Variants in DACH1 observed in about 807,000 individuals in gnomAD.
The protein encoded by DACH1 is dachshund homolog 1.
In DACH1, 12 loss-of-function variants were observed where a neutral mutation model predicts 54.2. The observed-to-expected ratio is 0.22, with a 90% confidence interval of 0.14 to 0.36. DACH1 has a LOEUF of 0.36. Among genes scored for constraint, DACH1 ranks in the 10% least tolerant of loss-of-function variants. The pLI, the probability that DACH1 is intolerant of heterozygous loss-of-function variation, is 1.00. For missense variants in DACH1, 805 were observed against 929.8 expected (o/e 0.87, Z 1.75); for synonymous variants, 386 against 366.2 (o/e 1.05, Z -0.62).
At chr13:71,740,136 T>C (rs1408013225) in intron 1 of DACH1, among the ~76,000 whole-genome samples, 1 of 152,212 alleles carries the variant, frequency 6.6e-6, no homozygotes, top group Non-Finnish European at 1.5e-5. Context: ...GCAAAAGTAG[T>C]TCAACAACTG....
intron 6 of DACH1, among the ~76,000 whole-genome samples, chr13:71,550,399 T>C (rs1286310238): frequency 6.6e-6 from 1 of 152,058 alleles, no homozygotes; most frequent in Non-Finnish European, 1.5e-5. Flanking sequence ...CACTAGTGGA[T>C]AGGAAGGCAT....
intron 1 of DACH1, among the ~76,000 whole-genome samples, chr13:71,692,582 G>T (rs1188208524): frequency 8.6e-6 from 1 of 116,470 alleles, no homozygotes; most frequent in Middle Eastern, 9.3e-3. Context: ...GAGTGCAGTG[G>T]TGCAATCTTG....
intron 6 of DACH1, among the ~76,000 whole-genome samples, chr13:71,509,851 CCA>C (rs1880628446): frequency 6.6e-6 from 1 of 152,008 alleles, no homozygotes; most frequent in South Asian, 2.1e-4. Flanking sequence ...AATTATTGTT[CCA>C]GTTTTTCAGT....
intron 1 of DACH1, among the ~76,000 whole-genome samples, chr13:71,750,950 C>T (rs1180218378): frequency 6.6e-6 from 1 of 152,108 alleles, no homozygotes; most frequent in Non-Finnish European, 1.5e-5. Context: ...CTATGTGAAA[C>T]ATTAAACAAA....
At chr13:71,680,956 T>C (rs1880860287) in intron 2 of DACH1, among the ~76,000 whole-genome samples, 1 of 152,042 alleles carries the variant, frequency 6.6e-6, no homozygotes, top group Admixed American at 6.5e-5. Flanking sequence ...ACCTTTCTTG[T>C]ATCAGCTGTA....
At chr13:71,614,209 T>A (rs1380507035) in intron 3 of DACH1, among the ~76,000 whole-genome samples, 1 of 152,172 alleles carries the variant, frequency 6.6e-6, no homozygotes, top group Non-Finnish European at 1.5e-5. Flanking sequence ...AACTATAGAA[T>A]TTAACCATTG....
chr13:71,589,829 C>T (rs1873567703), intron 3 of DACH1, among the ~76,000 whole-genome samples: 1 of 151,858 alleles, frequency 6.6e-6, no homozygotes, highest in Admixed American at 6.6e-5. Context: ...TTTATATTAT[C>T]ATCATTATCA....
chr13:71,545,321 T>G (rs1883390867), intron 6 of DACH1, among the ~76,000 whole-genome samples: 1 of 151,994 alleles, frequency 6.6e-6, no homozygotes, highest in Non-Finnish European at 1.5e-5. Context: ...GAATTCAAGA[T>G]TTTTCCATAA....
intron 2 of DACH1, among the ~76,000 whole-genome samples, chr13:71,680,772 A>C (rs1226112807): frequency 6.6e-6 from 1 of 152,238 alleles, no homozygotes; most frequent in Non-Finnish European, 1.5e-5. Flanking sequence ...GCAAAAATGA[A>C]GATGAGTTAG....
In DACH1 at chr13:71,706,703, T is replaced by A. The variant is rs143922541; in HGVS notation, c.849-24793A>T. Among the ~76,000 whole-genome samples the A allele has an allele frequency of 2.8e-3, 419 of 152,222 alleles. 3 individuals carry two copies. The highest frequency in any genetic ancestry group is 9.6e-3 in the African/African-American group (400 of 41,552). ...ACTACACAATTTTATTCTATATCTATTTTTTTCAGACCAAAATATGCATTC... is the reference window on the plus strand; with the variant it reads ...ACTACACAATTTTATTCTATATCTAATTTTTTCAGACCAAAATATGCATTC... On this transcript the variant is annotated intron_variant, in intron 1 of 10. Coordinates refer to ENST00000613252, the MANE Select transcript of DACH1 (RefSeq NM_080759.6).
At chr13:71,629,831 A>G (rs1876952153) in intron 3 of DACH1, among the ~76,000 whole-genome samples, 1 of 152,148 alleles carries the variant, frequency 6.6e-6, no homozygotes, top group Admixed American at 6.6e-5. Context: ...TAGCAGAAAA[A>G]AAATGTTTTG....
At chr13:71,794,058 T>G (rs1886941909) in intron 1 of DACH1, among the ~76,000 whole-genome samples, 1 of 142,184 alleles carries the variant, frequency 7.0e-6, no homozygotes, top group Non-Finnish European at 1.5e-5. Context: ...TATTATCCAT[T>G]TTTTCCTTAA....
chr13:71,471,448 T>A (rs1877064075), intron 10 of DACH1, among the ~76,000 whole-genome samples: 1 of 151,832 alleles, frequency 6.6e-6, no homozygotes, highest in African/African-American at 2.4e-5. Context: ...GTCTATAAAT[T>A]TTCTAAATAT....
At chr13:71,727,127 GC>G (rs1883508310) in intron 1 of DACH1, among the ~76,000 whole-genome samples, 1 of 152,022 alleles carries the variant, frequency 6.6e-6, no homozygotes, top group African/African-American at 2.4e-5. Context: ...TACTCAGGGT[GC>G]CTTTGAGGAT....
At chr13:71,723,941 T>G (rs2137891993) in intron 1 of DACH1, among the ~76,000 whole-genome samples, 1 of 152,294 alleles carries the variant, frequency 6.6e-6, no homozygotes, top group South Asian at 2.1e-4. Flanking sequence ...TCTGCCCACC[T>G]CGGCCTCCCA....
At chr13:71,853,304 T>A (rs1397099526) in intron 1 of DACH1, among the ~76,000 whole-genome samples, 1 of 152,148 alleles carries the variant, frequency 6.6e-6, no homozygotes, top group East Asian at 1.9e-4. Context: ...GAAGAGATCT[T>A]TCTGCCTACT....
At chr13:71,594,695 T>A (rs951050516) in intron 3 of DACH1, among the ~76,000 whole-genome samples, 2 of 152,130 alleles carry the variant, frequency 1.3e-5, no homozygotes, top group Non-Finnish European at 2.9e-5. Flanking sequence ...TCCTTAGGTC[T>A]TTCTGGAAAC....
At chr13:71,792,749 C>A (rs1886885814) in intron 1 of DACH1, among the ~76,000 whole-genome samples, 1 of 152,094 alleles carries the variant, frequency 6.6e-6, no homozygotes, top group Non-Finnish European at 1.5e-5. Flanking sequence ...TTATCTAGCC[C>A]TAACTTTATT....
chr13:71,755,449 C>A (rs191707556), intron 1 of DACH1, among the ~76,000 whole-genome samples: 1 of 152,226 alleles, frequency 6.6e-6, no homozygotes, highest in African/African-American at 2.4e-5. Context: ...CTGACCAAAG[C>A]TAGTTAAATC....
Sources: gnomAD v4.1 joint callset for allele counts (sites outside exome capture counted in the v4.1 genomes callset) on GRCh38, gnomAD v4.1.1 for gene constraint, MANE v1.5 for transcripts, NCBI Gene and HGNC (gene_info 2026-07-23, HGNC 2026-07-21) for gene names.